The following TSPAN2 variants were observed in gnomAD, a reference collection of about 807,000 sequenced individuals.
TSPAN2 encodes tetraspanin-2.
A neutral mutation model predicts 33.3 loss-of-function variants in TSPAN2; 24 were observed. The observed-to-expected ratio is 0.72, with a 90% CI of 0.52 to 1.01. The LOEUF (loss-of-function observed/expected upper bound fraction) is 1.01. TSPAN2 is among the 50% of genes least tolerant of loss of function. The probability of loss-of-function intolerance (pLI) is 0.00; values close to 1 mark genes in which losing one functional copy is unlikely to be tolerated. For missense variants in TSPAN2, 278 were observed against 281.3 expected, an observed-to-expected ratio of 0.99 and a Z score of 0.08; for synonymous variants, 114 against 104.5, an observed-to-expected ratio of 1.09 and a Z score of -0.56.
At chr1:115,070,479 A>G (rs1427042014) in intron 2 of TSPAN2, among the ~76,000 whole-genome samples, 1 of 148,706 alleles carries the variant, frequency 6.7e-6, no homozygotes, top group Non-Finnish European at 1.5e-5. Flanking sequence ...GCCCCAAATC[A>G]TTCTTCTACT....
intron 1 of TSPAN2, among the ~76,000 whole-genome samples, chr1:115,079,137 C>CCACA (rs202132434): frequency 0.14 from 20,314 of 146,650 alleles, 1,589 homozygotes; most frequent in South Asian, 0.3. Context: ...AATTATAGCG[C>CCACA]CACACACACA....
intron 2 of TSPAN2, among the ~76,000 whole-genome samples, chr1:115,069,820 C>A (rs959108773): frequency 1.3e-5 from 2 of 152,166 alleles, no homozygotes; most frequent in African/African-American, 4.8e-5. Flanking sequence ...GAAACAAAAT[C>A]AGGAATGTGG....
intron 2 of TSPAN2, among the ~76,000 whole-genome samples, chr1:115,066,058 G>A (rs529563968): frequency 1.3e-5 from 2 of 152,218 alleles, no homozygotes; most frequent in East Asian, 3.9e-4. Context: ...TTCCATCCAT[G>A]CTGCTACAAA....
chr1:115,087,858 C>T (rs1004498433), intron 1 of TSPAN2, among the ~76,000 whole-genome samples: 5 of 152,206 alleles, frequency 3.3e-5, no homozygotes, highest in African/African-American at 9.7e-5. Context: ...CCAGCTATCA[C>T]TGGAAAGGCT....
intron 6 of TSPAN2, among the ~76,000 whole-genome samples, chr1:115,054,497 A>G (rs1647319393): frequency 6.6e-6 from 1 of 152,102 alleles, no homozygotes; most frequent in South Asian, 2.1e-4. Context: ...TTTGAAAACT[A>G]CTCTTCTAAG....
intron 2 of TSPAN2, among the ~76,000 whole-genome samples, chr1:115,071,083 C>T (rs920177605): frequency 6.6e-6 from 1 of 152,098 alleles, no homozygotes; most frequent in Non-Finnish European, 1.5e-5. Context: ...CTGCTTTTTC[C>T]TTGTCACAAA....
At chr1:115,056,606 A>C (rs777256813) in intron 6 of TSPAN2, among the ~76,000 whole-genome samples, 17 of 152,026 alleles carry the variant, frequency 1.1e-4, no homozygotes, top group Admixed American at 2.0e-4. Context: ...CTGAGACATC[A>C]TTACCTCTGT....
At chr1:115,089,312 GC>G in intron 1 of TSPAN2, 51 bp downstream of exon 1, 1 of 1,389,168 alleles carries the variant, frequency 7.2e-7, no homozygotes, top group Non-Finnish European at 9.8e-7. Context: ...CCGGCCCCGC[GC>G]CCGCCACCCG....
At chr1:115,060,363 TATA>T in intron 4 of TSPAN2, 98 bp downstream of exon 4, 1 of 961,800 alleles carries the variant, frequency 1.0e-6, no homozygotes. Context: ...CTGTTTAAAC[TATA>T]ATAATGGGGA....
chr1:115,050,762 TAAC>T (rs2101018961), intron 7 of TSPAN2, among the ~76,000 whole-genome samples: 1 of 152,360 alleles, frequency 6.6e-6, no homozygotes, highest in South Asian at 2.1e-4. Context: ...TTATTATTGT[TAAC>T]AAGTAACAAG....
At chr1:115,072,211 T>A (rs934951817) in intron 2 of TSPAN2, among the ~76,000 whole-genome samples, 6 of 152,106 alleles carry the variant, frequency 3.9e-5, no homozygotes, top group Non-Finnish European at 8.8e-5. Context: ...GGGTGGAGGC[T>A]GCACCCCACC....
chr1:115,062,448 T>C (rs1236380195), intron 2 of TSPAN2, among the ~76,000 whole-genome samples: 1 of 152,044 alleles, frequency 6.6e-6, no homozygotes, highest in East Asian at 1.9e-4. Context: ...GGGAGAAAAA[T>C]AGCCATGAGC....
intron 7 of TSPAN2, among the ~76,000 whole-genome samples, 184 bp downstream of exon 7, chr1:115,053,195 T>C (rs1647255351): frequency 6.6e-6 from 1 of 152,248 alleles, no homozygotes; most frequent in Non-Finnish European, 1.5e-5. Context: ...TATTATATTT[T>C]AGAGGACAAA....
At position 115,077,208 on chromosome 1, in the gene TSPAN2, C is replaced by T. The variant is rs565442722; in HGVS notation, c.70-4201G>A. Among the ~76,000 whole-genome samples, 12 of 152,118 alleles carry T rather than the reference C, an allele frequency of 7.9e-5. No homozygotes were observed. In the East Asian group the frequency reaches 1.5e-3, roughly 20 times the overall value. On this transcript the variant is annotated intron_variant, in intron 1 of 7. Coordinates refer to ENST00000369516, the MANE Select transcript of TSPAN2 (RefSeq NM_005725.6). ...TACTAGGATTACAAGTATGAGCCAC[C>T]GTGCCCAGCCTCATCATTCCTTTTC... is the stretch of plus-strand genomic sequence containing the variant.
intron 2 of TSPAN2, among the ~76,000 whole-genome samples, chr1:115,062,848 C>T (rs1284140361): frequency 3.3e-5 from 5 of 152,190 alleles, no homozygotes; most frequent in Non-Finnish European, 5.9e-5. Context: ...CCTGGGGCGC[C>T]TCTGGGTTGC....
At chr1:115,053,248 C>T in intron 7 of TSPAN2, 131 bp downstream of exon 7, 6 of 727,900 alleles carry the variant, frequency 8.2e-6, no homozygotes, top group South Asian at 1.6e-5. Flanking sequence ...AGATGTAATA[C>T]ATTGTGAACA....
intron 2 of TSPAN2, among the ~76,000 whole-genome samples, chr1:115,069,035 G>A (rs1648057824): frequency 6.6e-6 from 1 of 152,168 alleles, no homozygotes; most frequent in African/African-American, 2.4e-5. Flanking sequence ...TATTCTGCGT[G>A]GTGCTAAGTT....
In TSPAN2 at chr1:115,049,644, G is replaced by A. The variant is rs1485415206; in HGVS notation, c.*846C>T. On this transcript the variant is annotated 3_prime_UTR_variant, in exon 8 of 8. Coordinates refer to ENST00000369516, the MANE Select transcript of TSPAN2 (RefSeq NM_005725.6). ...AGTTTGACATAAAAGTCCCTTTGAG[G>A]ATGTGAGGGTTGCAGTAGTTTACAG... The A allele has an allele frequency of 6.6e-6, 1 of 152,554 alleles. No individual in the cohort carries two copies. The highest frequency in any genetic ancestry group is 1.5e-5 in the Non-Finnish European group (1 of 68,006). 9.5% of individuals were successfully genotyped at this position (152,554 alleles called of 1,614,324 possible).
chr1:115,080,800 C>T (rs1318315901), intron 1 of TSPAN2, among the ~76,000 whole-genome samples: 10 of 152,210 alleles, frequency 6.6e-5, no homozygotes, highest in Non-Finnish European at 1.5e-4. Flanking sequence ...TTCAGCGGAC[C>T]TCCTCCTTGG....
Sources: gnomAD v4.1 joint callset for allele counts (sites outside exome capture counted in the v4.1 genomes callset) on GRCh38, gnomAD v4.1.1 for gene constraint, MANE v1.5 for transcripts, NCBI Gene and HGNC (gene_info 2026-07-23, HGNC 2026-07-21) for gene names.